The following NDUFS7 variants were observed in gnomAD, a reference collection of about 807,000 sequenced individuals.
NDUFS7 encodes NADH dehydrogenase [ubiquinone] iron-sulfur protein 7, mitochondrial.
NDUFS7 carries 11 observed loss-of-function variants against 31.1 expected under a neutral mutation model. That is an observed-to-expected ratio of 0.35 (90% CI 0.22 to 0.59). NDUFS7 has a LOEUF of 0.59. Ranked by LOEUF, NDUFS7 falls within the 20% of genes least tolerant of loss-of-function variation. The pLI is 0.79. For synonymous variants in NDUFS7, 136 were observed against 127.9 expected (o/e 1.06, Z -0.43); for missense variants, 263 against 324.2 (o/e 0.81, Z 1.45).
At chr19:1,386,026 T>G (rs2082505305) in intron 1 of NDUFS7, among the ~76,000 whole-genome samples, 1 of 152,166 alleles carries the variant, frequency 6.6e-6, no homozygotes, top group African/African-American at 2.4e-5. Flanking sequence ...GCCTCAGGCA[T>G]GCCAAGAAGT....
chr19:1,390,567 CAG>C (rs1020133021), intron 4 of NDUFS7: 2 of 537,252 alleles, frequency 3.7e-6, no homozygotes, highest in Admixed American at 3.2e-5. Context: ...CCCACGCGCT[CAG>C]AGAGTGGCTG....
chr19:1,389,780 C>T (rs1252875122), intron 4 of NDUFS7: 4 of 333,702 alleles, frequency 1.2e-5, no homozygotes, highest in South Asian at 9.7e-5. Flanking sequence ...CATTGATGGA[C>T]GTTCACTGTT....
Position 1,387,866 on chromosome 19 carries a change from A to G in NDUFS7, c.53+19A>G, listed in dbSNP as rs759817526. Reference sequence around the variant, plus strand: ...GTCTGCGGTGAGTGCCTGAGTCTCCAGCCCTCAGCTGGGAGGGGCCTTCAG... The same window carrying G: ...GTCTGCGGTGAGTGCCTGAGTCTCCGGCCCTCAGCTGGGAGGGGCCTTCAG... On this transcript the variant is annotated intron_variant, in intron 2 of 7. Coordinates refer to ENST00000233627, the MANE Select transcript of NDUFS7 (RefSeq NM_024407.5). The G allele has an allele frequency of 1.3e-5, 19 of 1,462,428 alleles. No homozygotes were observed. In the East Asian group the frequency reaches 5.9e-4, roughly 45 times the overall value. 90.6% of individuals were successfully genotyped at this position (1,462,428 alleles called of 1,614,324 possible).
chr19:1,390,955 C>T lies in NDUFS7; in HGVS notation c.313C>T (p.Arg105Cys), dbSNP rs1163293582. 5 of 1,612,738 alleles carry T rather than the reference C, an allele frequency of 3.1e-6. No individual in the cohort carries two copies. The highest frequency in any genetic ancestry group is 2.2e-5 in the East Asian group (1 of 44,886). ...GGCAGCACCCCGCTACGACATGGAC[C>T]GCTTTGGCGTGGTCTTCCGCGCCAG... Reference protein sequence around the residue: ...HMAAPRYDMDRFGVVFRASPR... With the variant: ...HMAAPRYDMDCFGVVFRASPR... The change falls in exon 5 of 8, where the codon CGC becomes TGC. Residue 105 changes from arginine to cysteine, a missense_variant. Coordinates refer to ENST00000233627, the MANE Select transcript of NDUFS7 (RefSeq NM_024407.5).
At chr19:1,386,025 A>G (rs1360307838) in intron 1 of NDUFS7, among the ~76,000 whole-genome samples, 7 of 152,210 alleles carry the variant, frequency 4.6e-5, no homozygotes, top group Non-Finnish European at 1.5e-5. Flanking sequence ...AGCCTCAGGC[A>G]TGCCAAGAAG....
In NDUFS7 at chr19:1,388,610, G is replaced by C. The variant is rs1263662238; in HGVS notation, c.122+17G>C. ...CCCAAGCAGGTGAAGCTGGCCTTCT[G>C]GGGGAGGTCGTACCCCCTCGCCCCA... On this transcript the variant is annotated intron_variant, in intron 3 of 7. Transcript: ENST00000233627. The C allele has an allele frequency of 1.2e-6, 2 of 1,610,110 alleles. No homozygotes were observed. Among genetic ancestry groups the C allele is most frequent in the African/African-American group, 2.7e-5 (2 of 74,970 alleles).
At chr19:1,389,348 C>T (rs761143088) in intron 4 of NDUFS7, 5 of 480,852 alleles carry the variant, frequency 1.0e-5, no homozygotes, top group Admixed American at 7.0e-5. Context: ...CACACACGTC[C>T]TTGTGTGGAC....
rs1375610365 is a variant in NDUFS7 at position 1,393,251 on chromosome 19, C to T, written c.465C>T (p.Asn155=). Residue 155 remains asparagine (N), a synonymous_variant, in exon 7 of 8, where the codon AAC becomes AAT. Coordinates refer to ENST00000233627, the MANE Select transcript of NDUFS7 (RefSeq NM_024407.5). The surrounding 1 kb of genome is among the most constrained non-coding windows in gnomAD (Gnocchi z 7.3). ...RYVVSMGSCA[N]GGGYYHYSYS... Reference sequence around the variant, plus strand: ...GGTGCCTCCCCAACAGCTGCGCCAACGGAGGAGGCTACTACCACTATTCCT... The same window carrying T: ...GGTGCCTCCCCAACAGCTGCGCCAATGGAGGAGGCTACTACCACTATTCCT... 5.1e-6 allele frequency: 8 copies of T among 1,569,970 alleles called. No individual in the cohort carries two copies. The highest frequency in any genetic ancestry group is 4.7e-5 in the East Asian group (2 of 42,574).
At chr19:1,388,703 G>T (rs1409733014) in intron 3 of NDUFS7, 110 bp downstream of exon 3, 13 of 1,428,512 alleles carry the variant, frequency 9.1e-6, no homozygotes, top group African/African-American at 2.8e-5. Flanking sequence ...GGGCAGGGAG[G>T]GGGTCACACA....
chr19:1,394,286 C>G, intron 7 of NDUFS7: 8 of 1,150,914 alleles, frequency 7.0e-6, no homozygotes, highest in Non-Finnish European at 9.2e-6. Context: ...GCCTGGGCCT[C>G]CCTGTGACTT....
intron 1 of NDUFS7, among the ~76,000 whole-genome samples, chr19:1,386,011 G>C (rs952212386): frequency 6.6e-6 from 1 of 152,202 alleles, no homozygotes; most frequent in Admixed American, 6.5e-5. Flanking sequence ...TGTCTGCTGT[G>C]CCCAGCCTCA....
At chr19:1,389,153 GCACACATGCACACTTGCA>G (rs759765088) in intron 4 of NDUFS7, 24 of 700,052 alleles carry the variant, frequency 3.4e-5, no homozygotes, top group Admixed American at 6.0e-5. Context: ...ATGCACACTC[GCACACATGCACACTTGCA>G]CACACATGCA....
chr19:1,383,936 C>G lies in NDUFS7; in HGVS notation c.10C>G (p.Leu4Val). 1 of 1,579,496 alleles carries G rather than the reference C, an allele frequency of 6.3e-7. No individual in the cohort carries two copies. The highest frequency in any genetic ancestry group is 8.6e-7 in the Non-Finnish European group (1 of 1,164,030). ...GAAGGCCGAGGCCAAGATGGCGGTGCTGTCAGGTGAGCGCGGCACCGGCGG... is the reference window on the plus strand; with the variant it reads ...GAAGGCCGAGGCCAAGATGGCGGTGGTGTCAGGTGAGCGCGGCACCGGCGG... MAV[L>V]SAPGLRGFRI... The change falls in exon 1 of 8, where the codon CTG becomes GTG. Residue 4 changes from leucine to valine, a missense_variant. Leu to Val is a conservative substitution (Grantham distance 32). Transcript: ENST00000233627.
At chr19:1,388,365 C>A in intron 2 of NDUFS7, 160 bp from the exon 3 acceptor site, 1 of 701,480 alleles carries the variant, frequency 1.4e-6, no homozygotes, top group Non-Finnish European at 2.5e-6. Flanking sequence ...GGGCGATGGC[C>A]GCATGGCTCC....
At chr19:1,391,839 C>T (rs2082560100) in intron 6 of NDUFS7, 1 of 151,442 alleles carries the variant, frequency 6.6e-6, no homozygotes, top group African/African-American at 2.4e-5. Flanking sequence ...AGTCTCTTAA[C>T]ATTTTAAAAT....
chr19:1,394,943 C>T (rs1473714976), intron 7 of NDUFS7: 16 of 1,119,602 alleles, frequency 1.4e-5, no homozygotes, highest in African/African-American at 8.2e-5. Context: ...AGAGGGTCAT[C>T]GGGTCCTCGT....
At chr19:1,387,907 G>T in intron 2 of NDUFS7, 60 bp downstream of exon 2, 1 of 447,744 alleles carries the variant, frequency 2.2e-6, no homozygotes, top group Non-Finnish European at 4.2e-6. Flanking sequence ...ACAGACGAAC[G>T]GGGCGGGGGG....
rs907284374 is a variant in NDUFS7, at chr19:1,395,132, C to T, written c.545-259C>T. 22 of 1,387,410 alleles carry T rather than the reference C, an allele frequency of 1.6e-5. No individual in the cohort carries two copies. The East Asian group carries it at 1.7e-4, about 10-fold the overall frequency. 85.9% of individuals were successfully genotyped at this position (1,387,410 alleles called of 1,614,324 possible). A position where few individuals can be genotyped will look rare whatever the true frequency, so the allele number is the denominator to read the frequency against. On this transcript the variant is annotated intron_variant, in intron 7 of 7. Coordinates refer to ENST00000233627, the MANE Select transcript of NDUFS7 (RefSeq NM_024407.5). ...GGGTTAGTGAGGTCAGCGTCTTGTC[C>T]GAGAGGTCCCTGTGACAGCCCGGGA...
chr19:1,391,060 G>T lies in NDUFS7; in HGVS notation c.408+10G>T, dbSNP rs2074896. The T allele has an allele frequency of 0.044, 70,660 of 1,612,552 alleles. 3,963 individuals are homozygous for T. The highest frequency in any genetic ancestry group is 0.25 in the East Asian group (11,049 of 44,834). On this transcript the variant is annotated intron_variant, in intron 5 of 7. Transcript: ENST00000233627. ...CCCAGCGCTTCGCAAGGTAGGCCTC[G>T]TCCCAGCCGCCCAGCCGCCCCCAGA...
Sources: gnomAD v4.1 joint callset for allele counts (sites outside exome capture counted in the v4.1 genomes callset) on GRCh38, gnomAD v4.1.1 for gene constraint, Gnocchi (gnomAD v3.1) non-coding constraint, MANE v1.5 for transcripts, NCBI Gene and HGNC (gene_info 2026-07-23, HGNC 2026-07-21) for gene names.